Variants in SV2C observed in about 807,000 individuals in gnomAD.
The protein encoded by SV2C is solute carrier family 22 member B3.
SV2C carries 49 observed loss-of-function variants against 79.7 expected under a neutral mutation model. That is an observed-to-expected ratio of 0.61 (90% CI 0.49 to 0.78). The LOEUF (loss-of-function observed/expected upper bound fraction) is 0.78. Ranked by LOEUF, SV2C falls within the 30% of genes least tolerant of loss-of-function variation. The pLI is 0.00. For missense variants in SV2C, 833 were observed against 912.9 expected (o/e 0.91, Z 1.13); for synonymous variants, 334 against 333.2 (o/e 1.00, Z -0.03).
In SV2C at chr5:76,325,467, C is replaced by T. The variant is rs749932369; in HGVS notation, c.2104C>T (p.Leu702=). 1.9e-6 allele frequency: 3 copies of T among 1,614,242 alleles called. No individual in the cohort carries two copies. The highest frequency in any genetic ancestry group is 2.2e-5 in the South Asian group (2 of 91,086). ...LVSITKSIPI[L]LASTVLVCGG... ...CAGCATCACCAAATCAATCCCCATC[C>T]TGCTGGCTTCTACTGTGCTCGTGTG... Residue 702 remains leucine (L), a synonymous_variant, in exon 13 of 13, where the codon CTG becomes TTG. Coordinates refer to ENST00000502798, the MANE Select transcript of SV2C (RefSeq NM_014979.4).
At chr5:76,049,434 TA>T in the SV2C span, among the ~76,000 whole-genome samples, 1 of 152,232 alleles carries the variant, frequency 6.6e-6, no homozygotes, top group Admixed American at 6.5e-5. Flanking sequence ...ATTTCATTGT[TA>T]GGTAAGAAAA....
At chr5:76,098,006 A>G (rs1177186140) in intron 1 of SV2C, among the ~76,000 whole-genome samples, 1 of 152,110 alleles carries the variant, frequency 6.6e-6, no homozygotes, top group Non-Finnish European at 1.5e-5. Context: ...TGTCCTGTGA[A>G]GGTCCTGAGT....
intron 4 of SV2C, among the ~76,000 whole-genome samples, chr5:76,253,285 A>G (rs543776529): frequency 6.6e-6 from 1 of 152,096 alleles, no homozygotes; most frequent in African/African-American, 2.4e-5. Flanking sequence ...TTGTTTTTTT[A>G]TGTTTTTTGC....
the SV2C span, among the ~76,000 whole-genome samples, chr5:75,886,904 G>C: frequency 3.3e-5 from 5 of 152,018 alleles, no homozygotes; most frequent in African/African-American, 1.2e-4. Flanking sequence ...AATTGTTCCA[G>C]CTTTAGCACT....
chr5:76,169,410 G>A (rs540726628), intron 2 of SV2C, among the ~76,000 whole-genome samples: 1 of 152,286 alleles, frequency 6.6e-6, no homozygotes, highest in East Asian at 1.9e-4. Flanking sequence ...AGTTGTAGGG[G>A]GCAGGGTGGT....
At chr5:76,150,452 A>T (rs1218864428) in intron 2 of SV2C, among the ~76,000 whole-genome samples, 1 of 151,826 alleles carries the variant, frequency 6.6e-6, no homozygotes, top group African/African-American at 2.4e-5. Context: ...CTGGGATTAC[A>T]GGCGCGAGCC....
At chr5:76,056,475 A>C in the SV2C span, among the ~76,000 whole-genome samples, 1 of 152,190 alleles carries the variant, frequency 6.6e-6, no homozygotes, top group Admixed American at 6.5e-5. Context: ...CATCTCTGCC[A>C]GGTTTTGGTA....
At chr5:76,144,600 C>T (rs72771999) in intron 2 of SV2C, among the ~76,000 whole-genome samples, 6,574 of 152,252 alleles carry the variant, frequency 0.043, 197 homozygotes, top group Non-Finnish European at 0.066. Context: ...GGCTCTGTTA[C>T]TTGATGATCA....
the SV2C span, among the ~76,000 whole-genome samples, chr5:76,009,027 A>G: frequency 1.2e-4 from 19 of 152,030 alleles, no homozygotes; most frequent in African/African-American, 4.1e-4. Flanking sequence ...TCTTTACTCA[A>G]ATGTTGCCTG....
intron 4 of SV2C, among the ~76,000 whole-genome samples, chr5:76,235,952 G>C (rs997990680): frequency 1.1e-4 from 17 of 152,306 alleles, no homozygotes; most frequent in African/African-American, 4.1e-4. Context: ...TATTGTAGAA[G>C]ACAGAGTGAT....
At chr5:75,981,610 A>G in the SV2C span, among the ~76,000 whole-genome samples, 34 of 152,286 alleles carry the variant, frequency 2.2e-4, no homozygotes, top group African/African-American at 7.7e-4. Context: ...AAAACAAGCA[A>G]TGGGGAAAGG....
chr5:75,878,557 G>C, the SV2C span, among the ~76,000 whole-genome samples: 1 of 151,996 alleles, frequency 6.6e-6, no homozygotes. Flanking sequence ...CTGAGTTCAA[G>C]CCCTAAACTA....
At chr5:76,035,763 T>C in the SV2C span, among the ~76,000 whole-genome samples, 12,572 of 151,722 alleles carry the variant, frequency 0.083, 1,662 homozygotes, top group African/African-American at 0.29. Context: ...CTATTAGGTC[T>C]GCTTGGTGCA....
intron 2 of SV2C, among the ~76,000 whole-genome samples, chr5:76,167,689 C>G (rs1424557574): frequency 6.6e-6 from 1 of 152,092 alleles, no homozygotes; most frequent in Non-Finnish European, 1.5e-5. Flanking sequence ...GTTCATTTGT[C>G]CAAGGTCATA....
the SV2C span, among the ~76,000 whole-genome samples, chr5:75,909,014 A>C: frequency 1.3e-5 from 2 of 152,208 alleles, no homozygotes; most frequent in Admixed American, 1.3e-4. Flanking sequence ...TTTAATTTTC[A>C]TTTCTGTGCT....
rs577834351 is a variant in SV2C, at chr5:76,179,990, G to T, written c.581-14929G>T. 5.3e-5 allele frequency among the ~76,000 whole-genome samples: 8 copies of T among 152,274 alleles called. No individual in the cohort carries two copies. In the South Asian group the frequency reaches 1.7e-3, roughly 32 times the overall value. ...AATTTTTTAAGAGAGGGATCTTGGAGGCTTTGTGCAATTATTTTCCTATGA... is the reference window on the plus strand; with the variant it reads ...AATTTTTTAAGAGAGGGATCTTGGATGCTTTGTGCAATTATTTTCCTATGA... On this transcript the variant is annotated intron_variant, in intron 2 of 12. Transcript: ENST00000502798.
intron 12 of SV2C, among the ~76,000 whole-genome samples, chr5:76,339,745 C>T (rs557951751): frequency 6.6e-6 from 1 of 151,870 alleles, no homozygotes; most frequent in East Asian, 1.9e-4. Flanking sequence ...AAAGATTTCT[C>T]ATTTCTCCTC....
the SV2C span, among the ~76,000 whole-genome samples, chr5:75,906,655 T>C: frequency 6.6e-6 from 1 of 152,158 alleles, no homozygotes; most frequent in Non-Finnish European, 1.5e-5. Context: ...ACATCTCAGC[T>C]TTCTTTCTCT....
At chr5:76,024,100 T>G in the SV2C span, among the ~76,000 whole-genome samples, 1 of 152,170 alleles carries the variant, frequency 6.6e-6, no homozygotes, top group African/African-American at 2.4e-5. Context: ...TATTTTCTGT[T>G]TTTTCCTTCA....
Sources: allele counts gnomAD v4.1 joint callset (sites outside exome capture counted in the v4.1 genomes callset), GRCh38; gene constraint gnomAD v4.1.1; transcripts MANE v1.5; gene names NCBI Gene and HGNC (gene_info 2026-07-23, HGNC 2026-07-21).